The following PI4K2B variants were observed in gnomAD, a reference collection of about 807,000 sequenced individuals.
PI4K2B encodes the protein phosphatidylinositol 4-kinase type 2 beta, also known as phosphatidylinositol 4-kinase type 2-beta.
Under a neutral mutation model 56.6 loss-of-function variants are expected in PI4K2B, and 46 were observed. That is an observed-to-expected ratio of 0.81 (90% CI 0.64 to 1.04). The LOEUF is 1.04. Ranked by LOEUF, PI4K2B falls within the 50% of genes least tolerant of loss-of-function variation. The pLI, the probability that PI4K2B is intolerant of heterozygous loss-of-function variation, is 0.00. For missense variants in PI4K2B, 556 were observed against 607.7 expected (o/e 0.91, Z 0.89); for synonymous variants, 211 against 223.8 (o/e 0.94, Z 0.51).
chr4:25,275,621 T>G (rs1360337008), intron 9 of PI4K2B, among the ~76,000 whole-genome samples: 1 of 152,006 alleles, frequency 6.6e-6, no homozygotes, highest in Non-Finnish European at 1.5e-5. Context: ...GATTGCACTC[T>G]GCACTCCAGC....
intron 8 of PI4K2B, 135 bp from the exon 9 acceptor site, chr4:25,269,009 A>G (rs1716766442): frequency 1.9e-5 from 10 of 535,362 alleles, no homozygotes; most frequent in Admixed American, 3.6e-5. Flanking sequence ...AGGTAAAAAT[A>G]CTATTTTTGT....
At chr4:25,248,408 G>C (rs1577681853) in intron 1 of PI4K2B, among the ~76,000 whole-genome samples, 1 of 152,140 alleles carries the variant, frequency 6.6e-6, no homozygotes, top group African/African-American at 2.4e-5. Context: ...AGTTTCTCTT[G>C]TCTTGGAGTT....
At chr4:25,236,478 G>A (rs1184443131) in intron 1 of PI4K2B, among the ~76,000 whole-genome samples, 3 of 151,768 alleles carry the variant, frequency 2.0e-5, no homozygotes, top group Admixed American at 6.6e-5. Context: ...TTCTGAACCC[G>A]AGAGGTGTAG....
At chr4:25,266,770 G>T (rs1716677229) in intron 7 of PI4K2B, among the ~76,000 whole-genome samples, 1 of 151,972 alleles carries the variant, frequency 6.6e-6, no homozygotes, top group African/African-American at 2.4e-5. Flanking sequence ...TGGTTTTCTG[G>T]GATATGAGAG....
intron 9 of PI4K2B, among the ~76,000 whole-genome samples, chr4:25,274,979 T>A (rs1717045062): frequency 6.6e-6 from 1 of 151,810 alleles, no homozygotes; most frequent in African/African-American, 2.4e-5. Flanking sequence ...TTTTTTGTAT[T>A]TTTGTGTAGA....
intron 1 of PI4K2B, among the ~76,000 whole-genome samples, chr4:25,249,137 A>G (rs2109092907): frequency 6.6e-6 from 1 of 152,344 alleles, no homozygotes; most frequent in South Asian, 2.1e-4. Context: ...GGGTAAGGTT[A>G]TAGATTAACA....
intron 1 of PI4K2B, among the ~76,000 whole-genome samples, chr4:25,239,732 G>A (rs867340613): frequency 8.5e-5 from 13 of 152,348 alleles, no homozygotes; most frequent in Middle Eastern, 6.8e-3. Flanking sequence ...AGTGGGCGCC[G>A]AGGCCGAGGA....
intron 7 of PI4K2B, among the ~76,000 whole-genome samples, chr4:25,264,425 G>A (rs1313816598): frequency 3.9e-5 from 6 of 152,108 alleles, no homozygotes; most frequent in Non-Finnish European, 2.9e-5. Flanking sequence ...TGAGTATTTA[G>A]GGAGTTAAAT....
chr4:25,238,327 T>C (rs1329231852), intron 1 of PI4K2B, among the ~76,000 whole-genome samples: 1 of 152,190 alleles, frequency 6.6e-6, no homozygotes, highest in Non-Finnish European at 1.5e-5. Flanking sequence ...GTGAATGCTG[T>C]ATGCTGAACA....
intron 1 of PI4K2B, among the ~76,000 whole-genome samples, chr4:25,247,863 C>G (rs1389275749): frequency 6.6e-6 from 1 of 152,066 alleles, no homozygotes; most frequent in Non-Finnish European, 1.5e-5. Flanking sequence ...GCCACTATAC[C>G]CAGCTAATTT....
At chr4:25,262,542 T>C (rs536751420) in intron 6 of PI4K2B, among the ~76,000 whole-genome samples, 1 of 152,328 alleles carries the variant, frequency 6.6e-6, no homozygotes. Context: ...GTAGTGCTTT[T>C]AAATTAAAAA....
intron 6 of PI4K2B, among the ~76,000 whole-genome samples, chr4:25,262,719 G>A (rs566771558): frequency 2.0e-5 from 3 of 152,076 alleles, no homozygotes; most frequent in African/African-American, 7.2e-5. Flanking sequence ...CATCAGAGCC[G>A]TGTGAACCAC....
chr4:25,238,215 C>G (rs1253019436), intron 1 of PI4K2B, among the ~76,000 whole-genome samples: 2 of 152,136 alleles, frequency 1.3e-5, no homozygotes, highest in African/African-American at 2.4e-5. Context: ...TACTGAGCAG[C>G]TAACTTGAGA....
chr4:25,234,969 T>C (rs978560711), intron 1 of PI4K2B, among the ~76,000 whole-genome samples: 1 of 151,902 alleles, frequency 6.6e-6, no homozygotes, highest in Non-Finnish European at 1.5e-5. Context: ...CCTGCCCTCT[T>C]ACAGTTTAGT....
intron 1 of PI4K2B, among the ~76,000 whole-genome samples, chr4:25,241,606 A>G (rs1413045365): frequency 6.6e-6 from 1 of 152,184 alleles, no homozygotes; most frequent in African/African-American, 2.4e-5. Flanking sequence ...GGCACCTAGT[A>G]TGCCATTTAC....
chr4:25,256,781 T>A, intron 4 of PI4K2B, 107 bp downstream of exon 4: 1 of 1,040,436 alleles, frequency 9.6e-7, no homozygotes, highest in Non-Finnish European at 1.4e-6. Flanking sequence ...AGCACAGATT[T>A]TTCATCTTCC....
chr4:25,248,866 G>A (rs1715909774), intron 1 of PI4K2B, among the ~76,000 whole-genome samples: 2 of 151,810 alleles, frequency 1.3e-5, no homozygotes, highest in African/African-American at 4.8e-5. Flanking sequence ...CGGAGAGGGG[G>A]ATTTGGCAGG....
intron 1 of PI4K2B, among the ~76,000 whole-genome samples, chr4:25,251,011 G>A (rs896973568): frequency 1.6e-4 from 12 of 73,414 alleles, no homozygotes; most frequent in African/African-American, 4.5e-4. Context: ...GCCTTTGGGA[G>A]GCGTAAAGGT....
At chr4:25,276,590 A>G (rs1717103934) in intron 9 of PI4K2B, 1 of 902,884 alleles carries the variant, frequency 1.1e-6, no homozygotes, top group African/African-American at 1.8e-5. Flanking sequence ...CATAGTAGGC[A>G]TACAATAAAT....
Sources: allele counts gnomAD v4.1 joint callset (sites outside exome capture counted in the v4.1 genomes callset), GRCh38; gene constraint gnomAD v4.1.1; transcripts MANE v1.5; gene names NCBI Gene and HGNC (gene_info 2026-07-23, HGNC 2026-07-21).